CADM2: variants seen among roughly 807,000 people sequenced by gnomAD.
CADM2 encodes cell adhesion molecule 2, also known as immunoglobulin superfamily member 4D.
CADM2 carries 12 observed loss-of-function variants against 49.8 expected under a neutral mutation model. The ratio of observed to expected loss-of-function variants is 0.24; its 90% CI spans 0.15 to 0.39. The LOEUF (loss-of-function observed/expected upper bound fraction) is 0.39. Among genes scored for constraint, CADM2 ranks in the 10% least tolerant of loss-of-function variants. The pLI is 1.00. For synonymous variants in CADM2, 214 were observed against 175.4 expected (o/e 1.22, Z -1.74); for missense variants, 378 against 492.3 (o/e 0.77, Z 2.20).
intron 3 of CADM2, among the ~76,000 whole-genome samples, chr3:85,860,646 T>G (rs1359300769): frequency 6.6e-6 from 1 of 152,086 alleles, no homozygotes; most frequent in African/African-American, 2.4e-5. Flanking sequence ...GAACAGAGTT[T>G]TTTAGGGTCT....
intron 1 of CADM2, among the ~76,000 whole-genome samples, chr3:85,578,045 C>T (rs2062692836): frequency 9.8e-6 from 1 of 102,312 alleles, no homozygotes; most frequent in African/African-American, 4.9e-5. Context: ...CCCCCCCTTT[C>T]TTTCTTATTT....
At chr3:85,764,348 A>G (rs1179943825) in intron 2 of CADM2, among the ~76,000 whole-genome samples, 1 of 152,114 alleles carries the variant, frequency 6.6e-6, no homozygotes, top group Non-Finnish European at 1.5e-5. Context: ...ATCAATTATC[A>G]GCAATAGATG....
At chr3:85,018,474 T>G (rs2034346039) in intron 1 of CADM2, among the ~76,000 whole-genome samples, 1 of 151,888 alleles carries the variant, frequency 6.6e-6, no homozygotes, top group African/African-American at 2.4e-5. Flanking sequence ...GTCTCCAGGG[T>G]TCAAGCGATT....
At chr3:85,300,684 G>A (rs1169334729) in intron 1 of CADM2, among the ~76,000 whole-genome samples, 1 of 152,084 alleles carries the variant, frequency 6.6e-6, no homozygotes, top group Non-Finnish European at 1.5e-5. Context: ...AGCAAAAACA[G>A]TGCGTGCATA....
intron 3 of CADM2, among the ~76,000 whole-genome samples, chr3:85,845,671 G>T (rs1040000660): frequency 6.6e-6 from 1 of 152,186 alleles, no homozygotes; most frequent in Non-Finnish European, 1.5e-5. Flanking sequence ...CATGTGCTAA[G>T]TGGCACAGGA....
At chr3:85,776,372 AAGAG>A (rs2070362419) in intron 2 of CADM2, among the ~76,000 whole-genome samples, 1 of 142,112 alleles carries the variant, frequency 7.0e-6, no homozygotes, top group African/African-American at 2.6e-5. Context: ...CACAGAGTGA[AAGAG>A]AGAGAAAGAT....
intron 1 of CADM2, among the ~76,000 whole-genome samples, chr3:85,491,250 T>C (rs1364922462): frequency 1.3e-5 from 2 of 152,210 alleles, no homozygotes; most frequent in African/African-American, 2.4e-5. Flanking sequence ...GGACTAATCA[T>C]GCTTATAGTT....
intron 1 of CADM2, among the ~76,000 whole-genome samples, chr3:85,581,582 G>A (rs73843668): frequency 0.016 from 2,382 of 152,120 alleles, 73 homozygotes; most frequent in African/African-American, 0.054. Flanking sequence ...ACAATTACAA[G>A]CAAGTTTTTG....
At chr3:85,096,023 TA>T (rs2037781630) in intron 1 of CADM2, among the ~76,000 whole-genome samples, 1 of 152,086 alleles carries the variant, frequency 6.6e-6, no homozygotes, top group South Asian at 2.1e-4. Flanking sequence ...ACTAAAATAG[TA>T]AAAATTCTAG....
intron 3 of CADM2, among the ~76,000 whole-genome samples, chr3:85,857,175 A>G (rs1441443740): frequency 6.6e-6 from 1 of 152,098 alleles, no homozygotes; most frequent in Non-Finnish European, 1.5e-5. Flanking sequence ...TCCCATTCAT[A>G]AGGGTTCCAC....
chr3:85,126,349 A>C (rs1203474236), intron 1 of CADM2, among the ~76,000 whole-genome samples: 1 of 152,176 alleles, frequency 6.6e-6, no homozygotes, highest in African/African-American at 2.4e-5. Flanking sequence ...ACTCACATAC[A>C]TATGGGTGGA....
chr3:85,885,134 GT>G (rs562828456), intron 4 of CADM2, among the ~76,000 whole-genome samples: 35 of 151,852 alleles, frequency 2.3e-4, no homozygotes, highest in South Asian at 2.3e-3. Context: ...TGTTTTGTGA[GT>G]TTTTTTTCTT....
chr3:85,209,265 G>A (rs1451850707), intron 1 of CADM2, among the ~76,000 whole-genome samples: 2 of 152,100 alleles, frequency 1.3e-5, no homozygotes, highest in Admixed American at 6.6e-5. Flanking sequence ...CAGATTTGAG[G>A]AAGGAAGAAA....
Position 85,539,950 on chromosome 3 carries a change from G to A in CADM2, c.62-186572G>A, listed in dbSNP as rs116290519. On this transcript the variant is annotated intron_variant, in intron 1 of 9. Coordinates refer to ENST00000383699, the MANE Select transcript of CADM2 (RefSeq NM_001167675.2). Reference sequence around the variant, plus strand: ...AATATATAAGTCTAGAGTTAGAAAAGAAATATGACTGGGGATGATAATGTC... The same window carrying A: ...AATATATAAGTCTAGAGTTAGAAAAAAAATATGACTGGGGATGATAATGTC... Among the ~76,000 whole-genome samples, 1,144 of 152,194 alleles carry A rather than the reference G, an allele frequency of 7.5e-3. 20 individuals are homozygous for A. The highest frequency in any genetic ancestry group is 0.027 in the African/African-American group (1,104 of 41,516).
intron 1 of CADM2, among the ~76,000 whole-genome samples, chr3:85,719,386 C>A (rs1437208400): frequency 6.6e-6 from 1 of 152,090 alleles, no homozygotes; most frequent in African/African-American, 2.4e-5. Flanking sequence ...CCACCACAGT[C>A]AAAAATTCAA....
chr3:85,961,019 A>G (rs1259951783), intron 7 of CADM2, among the ~76,000 whole-genome samples: 5 of 146,972 alleles, frequency 3.4e-5, no homozygotes, highest in Admixed American at 6.8e-5. Flanking sequence ...ATTATTATAT[A>G]TATTTATACT....
chr3:85,136,830 A>C (rs556572728), intron 1 of CADM2, among the ~76,000 whole-genome samples: 4 of 152,112 alleles, frequency 2.6e-5, no homozygotes, highest in African/African-American at 9.6e-5. Flanking sequence ...TAGGAATAAA[A>C]TATGCATTTT....
chr3:85,370,100 C>G (rs891382273), intron 1 of CADM2, among the ~76,000 whole-genome samples: 3 of 151,726 alleles, frequency 2.0e-5, no homozygotes, highest in African/African-American at 7.3e-5. Flanking sequence ...GTAATCCCAA[C>G]TACTCAGGAG....
At chr3:85,240,760 G>A (rs992154575) in intron 1 of CADM2, among the ~76,000 whole-genome samples, 15 of 151,376 alleles carry the variant, frequency 9.9e-5, no homozygotes, top group African/African-American at 3.6e-4. Context: ...ACCTAAAGAT[G>A]AGCAAGGATT....
Sources: gnomAD v4.1 joint callset for allele counts (sites outside exome capture counted in the v4.1 genomes callset) on GRCh38, gnomAD v4.1.1 for gene constraint, MANE v1.5 for transcripts, NCBI Gene and HGNC (gene_info 2026-07-23, HGNC 2026-07-21) for gene names.